The following TRDN variants were observed in gnomAD, a reference collection of about 807,000 sequenced individuals.
The protein encoded by TRDN is triadin, also known as triadin in skeletal muscle.
Under a neutral mutation model 149.7 loss-of-function variants are expected in TRDN, and 161 were observed. That is an observed-to-expected ratio of 1.08 (90% CI 0.95 to 1.23). The LOEUF (loss-of-function observed/expected upper bound fraction) is 1.23, where lower values mean the gene tolerates loss of function less well. TRDN is among the 50% of genes most tolerant of loss of function. The pLI is 0.00. For synonymous variants in TRDN, 294 were observed against 250.5 expected (o/e 1.17, Z -1.64); for missense variants, 896 against 823.5 (o/e 1.09, Z -1.08).
At chr6:123,357,206 T>A (rs1780715656) in intron 20 of TRDN, among the ~76,000 whole-genome samples, 1 of 152,032 alleles carries the variant, frequency 6.6e-6, no homozygotes, top group Non-Finnish European at 1.5e-5. Flanking sequence ...TACCATAGCA[T>A]CTAGAATTGT....
intron 10 of TRDN, among the ~76,000 whole-genome samples, chr6:123,443,521 G>A (rs968463745): frequency 6.6e-6 from 1 of 151,990 alleles, no homozygotes; most frequent in East Asian, 1.9e-4. Flanking sequence ...GGCTGGGCAC[G>A]GTGGCTCACA....
chr6:123,280,884 T>C (rs1197563207), intron 24 of TRDN, among the ~76,000 whole-genome samples: 1 of 152,096 alleles, frequency 6.6e-6, no homozygotes. Context: ...TATCTATCAT[T>C]GAATGCAGGG....
chr6:123,547,723 T>C (rs1436698293), intron 3 of TRDN, among the ~76,000 whole-genome samples: 2 of 152,028 alleles, frequency 1.3e-5, no homozygotes, highest in African/African-American at 2.4e-5. Context: ...ACTCTAATAA[T>C]AAAAGCTTTC....
intron 7 of TRDN, among the ~76,000 whole-genome samples, chr6:123,509,044 A>G (rs1279151066): frequency 6.6e-6 from 1 of 151,624 alleles, no homozygotes; most frequent in African/African-American, 2.4e-5. Context: ...ACATATACAC[A>G]TACATATATA....
intron 23 of TRDN, among the ~76,000 whole-genome samples, chr6:123,320,612 C>T (rs1427024334): frequency 6.6e-6 from 1 of 152,010 alleles, no homozygotes; most frequent in African/African-American, 2.4e-5. Flanking sequence ...AATTCCGTTT[C>T]CAAAGTTTTA....
At position 123,331,192 on chromosome 6, in the gene TRDN, G is replaced by C. The variant is rs952393971; in HGVS notation, c.1471+687C>G. On this transcript the variant is annotated intron_variant, in intron 23 of 40. Transcript: ENST00000334268. Reference sequence around the variant, plus strand: ...AGTTAGAAATTTTATGTTTTACGTTGAATTTGGCAAGTTTATTTGTGTTTT... The same window carrying C: ...AGTTAGAAATTTTATGTTTTACGTTCAATTTGGCAAGTTTATTTGTGTTTT... 2.0e-5 allele frequency among the ~76,000 whole-genome samples: 3 copies of C among 152,006 alleles called. No individual in the cohort carries two copies. The East Asian group carries it at 5.8e-4, about 29-fold the overall frequency.
chr6:123,353,657 A>AGGAG (rs1489928633), intron 20 of TRDN, among the ~76,000 whole-genome samples: 9 of 151,802 alleles, frequency 5.9e-5, no homozygotes, highest in East Asian at 5.8e-4. Flanking sequence ...GGAAGAAGGA[A>AGGAG]GGAGGGAGGG....
chr6:123,485,365 T>C (rs756388857), intron 9 of TRDN, among the ~76,000 whole-genome samples: 87 of 152,316 alleles, frequency 5.7e-4, no homozygotes, highest in Non-Finnish European at 1.1e-3. Flanking sequence ...AGATTATTTC[T>C]ACAAATGAAT....
chr6:123,426,863 T>C (rs562764226), intron 12 of TRDN, among the ~76,000 whole-genome samples: 1 of 152,250 alleles, frequency 6.6e-6, no homozygotes, highest in South Asian at 2.1e-4. Flanking sequence ...AGGTAATTTA[T>C]TACATGTGCT....
intron 7 of TRDN, among the ~76,000 whole-genome samples, chr6:123,507,323 T>G (rs751327865): frequency 2.6e-5 from 4 of 152,186 alleles, no homozygotes; most frequent in Non-Finnish European, 5.9e-5. Context: ...AATGCCATTA[T>G]AATTTATAAG....
intron 20 of TRDN, among the ~76,000 whole-genome samples, chr6:123,352,919 C>T (rs1019128790): frequency 5.3e-5 from 8 of 151,768 alleles, no homozygotes; most frequent in Non-Finnish European, 8.8e-5. Context: ...TTGCTGGAGT[C>T]ATTTAGTGTC....
intron 11 of TRDN, among the ~76,000 whole-genome samples, chr6:123,438,559 T>C (rs1284717466): frequency 6.6e-6 from 1 of 152,118 alleles, no homozygotes; most frequent in Non-Finnish European, 1.5e-5. Flanking sequence ...TATATATATG[T>C]GTAAAACAAA....
chr6:123,615,609 G>A (rs1459160978), intron 1 of TRDN, among the ~76,000 whole-genome samples: 2 of 152,018 alleles, frequency 1.3e-5, no homozygotes, highest in African/African-American at 2.4e-5. Flanking sequence ...GTCATTCACA[G>A]CAACGTGGAT....
intron 11 of TRDN, 84 bp from the exon 12 acceptor site, chr6:123,438,206 T>C: frequency 1.1e-6 from 1 of 917,148 alleles, no homozygotes; most frequent in Non-Finnish European, 1.7e-6. Flanking sequence ...CAGTGAGGCA[T>C]CTAATTTATC....
chr6:123,612,445 C>T (rs1256704227), intron 1 of TRDN, among the ~76,000 whole-genome samples: 1 of 151,204 alleles, frequency 6.6e-6, no homozygotes, highest in Non-Finnish European at 1.5e-5. Flanking sequence ...ATAAGAACAG[C>T]AATCCAAAAA....
At position 123,568,211 on chromosome 6, in the gene TRDN, G is replaced by T. The variant is rs140220322; in HGVS notation, c.232+2712C>A. Among the ~76,000 whole-genome samples the T allele has an allele frequency of 5.3e-4, 80 of 152,316 alleles. 1 individual carries two copies. The highest frequency in any genetic ancestry group is 1.9e-3 in the African/African-American group (80 of 41,584). On this transcript the variant is annotated intron_variant, in intron 2 of 40. Transcript: ENST00000334268. ...CATAACCTGGGAACACTGATATGAG[G>T]GGTGGGGTCCCAAGGAATTGGGCAG...
chr6:123,253,702 A>G (rs1776457797), intron 37 of TRDN, among the ~76,000 whole-genome samples: 2 of 152,104 alleles, frequency 1.3e-5, no homozygotes, highest in South Asian at 4.1e-4. Flanking sequence ...ATTTTTCTCC[A>G]CTGTTTTCCC....
At chr6:123,567,783 G>A (rs562986788) in intron 2 of TRDN, among the ~76,000 whole-genome samples, 21 of 152,182 alleles carry the variant, frequency 1.4e-4, no homozygotes, top group African/African-American at 3.1e-4. Flanking sequence ...GCCCCACGTC[G>A]AACACTGGGG....
intron 2 of TRDN, among the ~76,000 whole-genome samples, chr6:123,562,046 G>T (rs1294753266): frequency 6.6e-6 from 1 of 152,122 alleles, no homozygotes; most frequent in Non-Finnish European, 1.5e-5. Flanking sequence ...CACAAAAGAA[G>T]TGAAAATGTC....
Sources: gnomAD v4.1 joint callset for allele counts (sites outside exome capture counted in the v4.1 genomes callset) on GRCh38, gnomAD v4.1.1 for gene constraint, MANE v1.5 for transcripts, NCBI Gene and HGNC (gene_info 2026-07-23, HGNC 2026-07-21) for gene names.